The following EPHA6 variants were observed in gnomAD, a reference collection of about 807,000 sequenced individuals.
EPHA6 encodes the protein ephrin type-A receptor 6.
EPHA6 carries 50 observed loss-of-function variants against 112.0 expected under a neutral mutation model. The ratio of observed to expected loss-of-function variants is 0.45; its 90% confidence interval spans 0.36 to 0.56. The LOEUF is 0.56. Ranked by LOEUF, EPHA6 falls within the 20% of genes least tolerant of loss-of-function variation. The pLI, the probability that EPHA6 is intolerant of heterozygous loss-of-function variation, is 0.00. For synonymous variants in EPHA6, 529 were observed against 490.7 expected (o/e 1.08, Z -1.03); for missense variants, 1,280 against 1,417.4 (o/e 0.90, Z 1.56).
At chr3:97,413,272 G>T (rs1410290067) in intron 6 of EPHA6, among the ~76,000 whole-genome samples, 2 of 151,886 alleles carry the variant, frequency 1.3e-5, no homozygotes, top group Admixed American at 6.6e-5. Flanking sequence ...ACTGATAGAG[G>T]TTTATTTTGC....
At chr3:96,973,536 A>G (rs2042396227) in intron 2 of EPHA6, among the ~76,000 whole-genome samples, 1 of 152,024 alleles carries the variant, frequency 6.6e-6, no homozygotes. Flanking sequence ...AAGAATCTCT[A>G]TATTGCTGGG....
chr3:97,738,827 G>A (rs2035381874), intron 16 of EPHA6, among the ~76,000 whole-genome samples: 1 of 152,110 alleles, frequency 6.6e-6, no homozygotes, highest in African/African-American at 2.4e-5. Flanking sequence ...AAAGACATAT[G>A]TGATACTGCT....
chr3:96,961,937 A>G (rs2041959928), intron 2 of EPHA6, among the ~76,000 whole-genome samples: 2 of 152,182 alleles, frequency 1.3e-5, no homozygotes. Context: ...AAAAAGGATG[A>G]CTGCAGTAAA....
chr3:97,244,061 T>C lies in EPHA6; in HGVS notation c.1380T>C (p.Ser460=), dbSNP rs549221199. The change falls in exon 5 of 18, where the codon AGT becomes AGC. Residue 460 remains serine (S), a synonymous_variant. Coordinates refer to ENST00000389672, the MANE Select transcript of EPHA6 (RefSeq NM_001080448.3). ...DTGGRKDLTY[S]VICKKCGLDT... ...GAGGGAGAAAAGATCTCACATACAG[T>C]GTAATCTGTAAGAAATGTGGCTTAG... 4 of 1,612,790 alleles carry C rather than the reference T, an allele frequency of 2.5e-6. No individual in the cohort carries two copies. The highest frequency in any genetic ancestry group is 1.7e-5 in the Admixed American group (1 of 59,770).
At chr3:97,406,090 G>C (rs1457422647) in intron 6 of EPHA6, among the ~76,000 whole-genome samples, 1 of 152,038 alleles carries the variant, frequency 6.6e-6, no homozygotes, top group Non-Finnish European at 1.5e-5. Flanking sequence ...ATATCCAGTG[G>C]TATATTACAA....
chr3:97,646,340 C>T (rs1445832231), intron 14 of EPHA6: 2 of 1,436,156 alleles, frequency 1.4e-6, no homozygotes, highest in African/African-American at 1.4e-5. Context: ...GTTTAAAAAT[C>T]CTATACATGT....
chr3:97,715,368 C>A (rs1480368346), intron 14 of EPHA6, among the ~76,000 whole-genome samples: 1 of 152,162 alleles, frequency 6.6e-6, no homozygotes, highest in Non-Finnish European at 1.5e-5. Context: ...TTGCATCTTA[C>A]AATTTGTATT....
At chr3:97,049,124 A>G (rs1182523551) in intron 3 of EPHA6, among the ~76,000 whole-genome samples, 1 of 152,220 alleles carries the variant, frequency 6.6e-6, no homozygotes, top group Non-Finnish European at 1.5e-5. Context: ...ACAAGGTCAG[A>G]GAGGTACTGG....
intron 6 of EPHA6, among the ~76,000 whole-genome samples, chr3:97,420,136 C>T (rs941202205): frequency 1.3e-5 from 2 of 152,004 alleles, no homozygotes; most frequent in Non-Finnish European, 2.9e-5. Context: ...TTTGTGTATT[C>T]ATTCACTGCA....
At chr3:97,745,990 T>G (rs1182347509) in intron 16 of EPHA6, among the ~76,000 whole-genome samples, 1 of 151,890 alleles carries the variant, frequency 6.6e-6, no homozygotes, top group Non-Finnish European at 1.5e-5. Flanking sequence ...GTGTAATCAT[T>G]TGTGCTCGTA....
At chr3:97,141,443 C>A (rs915388963) in intron 3 of EPHA6, among the ~76,000 whole-genome samples, 7 of 151,824 alleles carry the variant, frequency 4.6e-5, no homozygotes, top group African/African-American at 1.5e-4. Flanking sequence ...TAAAGCAAGC[C>A]TCAATAAAAT....
At chr3:96,959,337 C>T (rs2041877276) in intron 2 of EPHA6, among the ~76,000 whole-genome samples, 1 of 151,916 alleles carries the variant, frequency 6.6e-6, no homozygotes, top group Admixed American at 6.6e-5. Context: ...AATTATTTGC[C>T]CATGTTAAAA....
At chr3:97,041,149 C>T (rs937196240) in intron 3 of EPHA6, among the ~76,000 whole-genome samples, 14 of 152,078 alleles carry the variant, frequency 9.2e-5, no homozygotes, top group South Asian at 2.1e-4. Context: ...TCAAAAACAA[C>T]GAAATCAATT....
chr3:97,488,551 A>T (rs766081648), intron 10 of EPHA6, among the ~76,000 whole-genome samples: 1 of 152,114 alleles, frequency 6.6e-6, no homozygotes, highest in Non-Finnish European at 1.5e-5. Flanking sequence ...TTTTTTAGTT[A>T]TCTTAAAGAA....
intron 5 of EPHA6, among the ~76,000 whole-genome samples, chr3:97,333,650 T>C (rs2108832429): frequency 6.6e-6 from 1 of 151,924 alleles, no homozygotes; most frequent in East Asian, 1.9e-4. Context: ...ATATTTTTAA[T>C]ATTTTCCTTT....
At chr3:96,903,610 C>G (rs1388249222) in intron 2 of EPHA6, among the ~76,000 whole-genome samples, 1 of 151,954 alleles carries the variant, frequency 6.6e-6, no homozygotes, top group African/African-American at 2.4e-5. Flanking sequence ...ATCATCATAA[C>G]TTCATAATAT....
At chr3:97,241,394 A>G (rs1363699558) in intron 4 of EPHA6, among the ~76,000 whole-genome samples, 1 of 151,820 alleles carries the variant, frequency 6.6e-6, no homozygotes, top group Non-Finnish European at 1.5e-5. Flanking sequence ...AACAAAATCA[A>G]CATAAGGAAA....
At chr3:97,165,808 G>A (rs1415824779) in intron 3 of EPHA6, among the ~76,000 whole-genome samples, 1 of 152,126 alleles carries the variant, frequency 6.6e-6, no homozygotes, top group Non-Finnish European at 1.5e-5. Flanking sequence ...ATTCTTATTG[G>A]AAGTTGAAAT....
At chr3:97,192,704 C>T (rs564640538) in intron 3 of EPHA6, among the ~76,000 whole-genome samples, 21 of 152,216 alleles carry the variant, frequency 1.4e-4, no homozygotes, top group Admixed American at 1.2e-3. Flanking sequence ...TTTGCCCAGG[C>T]CAATGTCTTG....
Sources: gnomAD v4.1 joint callset for allele counts (sites outside exome capture counted in the v4.1 genomes callset) on GRCh38, gnomAD v4.1.1 for gene constraint, MANE v1.5 for transcripts, NCBI Gene and HGNC (gene_info 2026-07-23, HGNC 2026-07-21) for gene names.